CCDC102B: variants seen among roughly 807,000 people sequenced by gnomAD.
The protein encoded by CCDC102B is coiled-coil domain-containing protein 102B.
In CCDC102B, 75 loss-of-function variants were observed where a neutral mutation model predicts 57.4. The ratio of observed to expected loss-of-function variants is 1.31; its 90% CI spans 1.08 to 1.58. The LOEUF is 1.58. CCDC102B is among the 40% of genes most tolerant of loss of function. CCDC102B has a pLI of 0.00. For missense variants in CCDC102B, 636 were observed against 582.6 expected (o/e 1.09, Z -0.94); for synonymous variants, 206 against 201.9 (o/e 1.02, Z -0.17).
intron 7 of CCDC102B, among the ~76,000 whole-genome samples, chr18:69,013,716 G>A (rs145441152): frequency 0.015 from 2,356 of 152,164 alleles, 34 homozygotes; most frequent in Middle Eastern, 0.034. Context: ...TGCTATTGGT[G>A]CATTTTGCAA....
intron 5 of CCDC102B, among the ~76,000 whole-genome samples, chr18:68,891,049 G>A (rs2040059287): frequency 6.6e-6 from 1 of 152,026 alleles, no homozygotes. Context: ...TAATGTGATT[G>A]TCCCTTTTCT....
intron 7 of CCDC102B, among the ~76,000 whole-genome samples, chr18:69,016,449 G>A (rs557352944): frequency 6.6e-6 from 1 of 152,116 alleles, no homozygotes; most frequent in Admixed American, 6.6e-5. Context: ...ATGAGATAAA[G>A]TTTTCCTAAG....
chr18:68,819,293 G>T (rs1387094205), intron 1 of CCDC102B, among the ~76,000 whole-genome samples: 2 of 152,006 alleles, frequency 1.3e-5, no homozygotes, highest in African/African-American at 4.8e-5. Flanking sequence ...CTGTGATGTA[G>T]CTGTTAGTTC....
At chr18:69,019,104 T>G (rs2051753989) in intron 7 of CCDC102B, among the ~76,000 whole-genome samples, 1 of 152,142 alleles carries the variant, frequency 6.6e-6, no homozygotes, top group Non-Finnish European at 1.5e-5. Flanking sequence ...GTTTTTATGC[T>G]GATGCCATAT....
chr18:68,742,843 C>CTTA (rs2033449410), intron 2 of CCDC102B, among the ~76,000 whole-genome samples: 2 of 152,270 alleles, frequency 1.3e-5, no homozygotes, highest in African/African-American at 2.4e-5. Context: ...TCTTTGAACT[C>CTTA]TTTAAAAGAG....
intron 2 of CCDC102B, among the ~76,000 whole-genome samples, chr18:68,773,472 C>T (rs914563362): frequency 7.9e-5 from 12 of 151,858 alleles, no homozygotes; most frequent in South Asian, 2.1e-4. Flanking sequence ...ATTTACTGTA[C>T]GTACTGGAAT....
chr18:69,054,110 T>G lies in CCDC102B; in HGVS notation c.1515T>G (p.Thr505=). 1 of 1,606,500 alleles carries G rather than the reference T, an allele frequency of 6.2e-7. No homozygotes were observed. The highest frequency in any genetic ancestry group is 8.5e-7 in the Non-Finnish European group (1 of 1,177,860). The stretch of plus-strand genomic sequence containing the variant: ...AAGAAAGAAATGAAAACTTAGAGAC[T>G]GAACTCAGGCACTTGCAAAACTGGT... The part of the protein sequence containing the change: ...EEKERNENLE[T]ELRHLQNW Residue 505 remains threonine (T), a synonymous_variant, in exon 8 of 8, where the codon ACT becomes ACG. Coordinates refer to ENST00000360242, the MANE Select transcript of CCDC102B (RefSeq NM_024781.3).
chr18:68,999,546 C>T (rs1389458745), intron 6 of CCDC102B, among the ~76,000 whole-genome samples: 2 of 151,962 alleles, frequency 1.3e-5, no homozygotes, highest in Non-Finnish European at 2.9e-5. Context: ...AAAGAGGTTG[C>T]TGTGAGCCGA....
At chr18:68,752,282 A>G (rs2033884066) in intron 2 of CCDC102B, among the ~76,000 whole-genome samples, 1 of 151,998 alleles carries the variant, frequency 6.6e-6, no homozygotes, top group Non-Finnish European at 1.5e-5. Context: ...ATAAAAAATC[A>G]ACATCAAGTA....
chr18:68,976,515 T>C (rs2145276822), intron 6 of CCDC102B, among the ~76,000 whole-genome samples: 1 of 152,118 alleles, frequency 6.6e-6, no homozygotes, highest in African/African-American at 2.4e-5. Context: ...TCTTTGCACA[T>C]CCCCGATTAT....
At position 68,925,211 on chromosome 18, in the gene CCDC102B, T is replaced by C. The variant is rs186913686; in HGVS notation, c.1263+27783T>C. Among the ~76,000 whole-genome samples the C allele has an allele frequency of 1.7e-3, 253 of 152,202 alleles. 8 individuals are homozygous for C. The highest frequency in any genetic ancestry group is 0.016 in the Admixed American group (249 of 15,268). On this transcript the variant is annotated intron_variant, in intron 6 of 7. Coordinates refer to ENST00000360242, the MANE Select transcript of CCDC102B (RefSeq NM_024781.3). ...TATAGAAATATGTATAAAACTATTC[T>C]TCGTTAGTTCTCAAACCTAGCTTCA...
chr18:68,758,516 G>T (rs1463515733), intron 2 of CCDC102B, among the ~76,000 whole-genome samples: 7 of 151,856 alleles, frequency 4.6e-5, no homozygotes, highest in African/African-American at 1.7e-4. Flanking sequence ...TTATCAGTAG[G>T]ACTCACAAAG....
chr18:68,923,979 A>G (rs2041382443), intron 6 of CCDC102B, among the ~76,000 whole-genome samples: 1 of 151,982 alleles, frequency 6.6e-6, no homozygotes, highest in African/African-American at 2.4e-5. Flanking sequence ...TGCCTGTTTC[A>G]TTCTATGTTT....
At chr18:68,918,450 T>G (rs1286055496) in intron 6 of CCDC102B, among the ~76,000 whole-genome samples, 1 of 152,218 alleles carries the variant, frequency 6.6e-6, no homozygotes, top group Non-Finnish European at 1.5e-5. Context: ...TCCAAACATT[T>G]AGTGACCACG....
chr18:68,818,111 T>G (rs893299284), intron 1 of CCDC102B, among the ~76,000 whole-genome samples: 1 of 152,174 alleles, frequency 6.6e-6, no homozygotes, highest in Non-Finnish European at 1.5e-5. Flanking sequence ...TCATTGAGTT[T>G]GTGCAAAGTA....
intron 1 of CCDC102B, among the ~76,000 whole-genome samples, chr18:68,818,242 C>T (rs567723365): frequency 6.6e-6 from 1 of 152,152 alleles, no homozygotes; most frequent in African/African-American, 2.4e-5. Flanking sequence ...AATGGGAGAA[C>T]ACGTTACTAT....
intron 2 of CCDC102B, among the ~76,000 whole-genome samples, chr18:68,755,888 A>G (rs773827066): frequency 5.3e-5 from 8 of 151,628 alleles, no homozygotes; most frequent in Non-Finnish European, 8.8e-5. Context: ...TATTTAGCAA[A>G]TAAAAATACA....
At chr18:69,036,844 A>T (rs1034034321) in intron 7 of CCDC102B, among the ~76,000 whole-genome samples, 1 of 152,126 alleles carries the variant, frequency 6.6e-6, no homozygotes, top group Non-Finnish European at 1.5e-5. Flanking sequence ...GAAAGACGAT[A>T]AACTGAATCA....
chr18:68,973,107 T>C (rs914410691), intron 6 of CCDC102B, among the ~76,000 whole-genome samples: 14 of 152,162 alleles, frequency 9.2e-5, no homozygotes, highest in African/African-American at 3.4e-4. Flanking sequence ...CGCTACAGTA[T>C]GCATGGAGGT....
Sources: gnomAD v4.1 joint callset for allele counts (sites outside exome capture counted in the v4.1 genomes callset) on GRCh38, gnomAD v4.1.1 for gene constraint, MANE v1.5 for transcripts, NCBI Gene and HGNC (gene_info 2026-07-23, HGNC 2026-07-21) for gene names.